Variants in LIN52 observed in about 807,000 individuals in gnomAD.
The protein encoded by LIN52 is lin-52 DREAM MuvB core complex component.
LIN52 carries 4 observed loss-of-function variants against 18.5 expected under a neutral mutation model. That is an observed-to-expected ratio of 0.22 (90% CI 0.11 to 0.49). The LOEUF is 0.49. Among genes scored for constraint, LIN52 ranks in the 20% least tolerant of loss-of-function variants. LIN52 has a pLI of 0.97. For missense variants in LIN52, 102 were observed against 139.5 expected, an observed-to-expected ratio of 0.73 and a Z score of 1.35; for synonymous variants, 34 against 45.5, an observed-to-expected ratio of 0.75 and a Z score of 1.02.
chr14:74,190,104 A>T (rs1225465947), intron 5 of LIN52, among the ~76,000 whole-genome samples: 2 of 152,170 alleles, frequency 1.3e-5, no homozygotes, highest in African/African-American at 4.8e-5. Context: ...CCATATCTAC[A>T]AAAAATTAAA....
chr14:74,088,280 G>A (rs1362836131), intron 1 of LIN52, among the ~76,000 whole-genome samples: 1 of 152,032 alleles, frequency 6.6e-6, no homozygotes, highest in African/African-American at 2.4e-5. Context: ...GAGTAGAGAC[G>A]GGGTTTCACC....
At chr14:74,154,966 G>A (rs932729266) in intron 5 of LIN52, among the ~76,000 whole-genome samples, 2 of 152,140 alleles carry the variant, frequency 1.3e-5, no homozygotes, top group African/African-American at 2.4e-5. Context: ...ATTGATTTTT[G>A]TTACAGTGGG....
chr14:74,102,097 G>T (rs1000917397), intron 5 of LIN52, among the ~76,000 whole-genome samples: 2 of 152,074 alleles, frequency 1.3e-5, no homozygotes, highest in Non-Finnish European at 2.9e-5. Flanking sequence ...TAAATTTAAG[G>T]CTGGCCACAG....
At chr14:74,103,480 T>G (rs1157075008) in intron 5 of LIN52, among the ~76,000 whole-genome samples, 1 of 144,136 alleles carries the variant, frequency 6.9e-6, no homozygotes. Context: ...TTGCCCAGGC[T>G]GGAGTGCAAT....
chr14:74,178,290 A>G lies in LIN52; in HGVS notation c.284-20632A>G, dbSNP rs111629364. 2.2e-3 allele frequency among the ~76,000 whole-genome samples: 336 copies of G among 152,270 alleles called. 2 individuals are homozygous for G. Among genetic ancestry groups the G allele is most frequent in the African/African-American group, 7.7e-3 (320 of 41,568 alleles). On this transcript the variant is annotated intron_variant, in intron 5 of 5. Transcript: ENST00000555028. ...CAGCTGAAGCTGAACTTGAGCAATA[A>G]TGGTTCAAAGAATGTGATTAATGGT... is the stretch of plus-strand genomic sequence containing the variant.
intron 2 of LIN52, among the ~76,000 whole-genome samples, chr14:74,094,599 T>A (rs2060795237): frequency 6.6e-6 from 1 of 152,214 alleles, no homozygotes; most frequent in African/African-American, 2.4e-5. Context: ...TATCAGTGAA[T>A]ACCCATGTAC....
chr14:74,119,836 C>CTTT (rs555673247), intron 5 of LIN52, among the ~76,000 whole-genome samples: 3 of 132,344 alleles, frequency 2.3e-5, no homozygotes, highest in Admixed American at 7.6e-5. Flanking sequence ...CTGGATTATT[C>CTTT]TTTTTTTTTT....
intron 5 of LIN52, among the ~76,000 whole-genome samples, chr14:74,130,278 G>GTTTGTTTTTT (rs1555382571): frequency 1.1e-4 from 7 of 64,842 alleles, no homozygotes; most frequent in South Asian, 6.7e-4. Flanking sequence ...GCATTTTTTG[G>GTTTGTTTTTT]TTTTTTTTTT....
At chr14:74,144,367 T>C (rs1365020962) in intron 5 of LIN52, among the ~76,000 whole-genome samples, 1 of 151,842 alleles carries the variant, frequency 6.6e-6, no homozygotes, top group African/African-American at 2.4e-5. Flanking sequence ...GCTCAATCAA[T>C]CCTCCCACCT....
At chr14:74,158,121 A>ATTTTT (rs370452421) in intron 5 of LIN52, among the ~76,000 whole-genome samples, 16 of 141,216 alleles carry the variant, frequency 1.1e-4, no homozygotes, top group African/African-American at 2.8e-4. Context: ...ATATATATAT[A>ATTTTT]TATATTTTTT....
intron 5 of LIN52, among the ~76,000 whole-genome samples, chr14:74,143,424 GC>G (rs1172969086): frequency 6.6e-6 from 1 of 152,214 alleles, no homozygotes; most frequent in East Asian, 1.9e-4. Flanking sequence ...GTGGCAGTGT[GC>G]CCCTGTGGTC....
rs369326787 is a variant in LIN52 at position 74,110,960 on chromosome 14, C to T, written c.283+9722C>T. Reference sequence around the variant, plus strand: ...CAGCCTGGGTGACAGAGCGAGACTCCGTCTCAAAAAAAAAAAAAAGATTAA... The same window carrying T: ...CAGCCTGGGTGACAGAGCGAGACTCTGTCTCAAAAAAAAAAAAAAGATTAA... On this transcript the variant is annotated intron_variant, in intron 5 of 5. Coordinates refer to ENST00000555028, the MANE Select transcript of LIN52 (RefSeq NM_001024674.3). 4.0e-5 allele frequency among the ~76,000 whole-genome samples: 6 copies of T among 150,020 alleles called. No individual in the cohort carries two copies. The East Asian group carries it at 7.8e-4, about 20-fold the overall frequency.
intron 5 of LIN52, among the ~76,000 whole-genome samples, chr14:74,162,233 T>G (rs941249838): frequency 1.3e-5 from 2 of 152,072 alleles, no homozygotes; most frequent in African/African-American, 4.8e-5. Context: ...CCCAGCACTT[T>G]GGGAGGCTGA....
At chr14:74,135,663 T>C (rs552411958) in intron 5 of LIN52, among the ~76,000 whole-genome samples, 1 of 152,318 alleles carries the variant, frequency 6.6e-6, no homozygotes, top group East Asian at 1.9e-4. Context: ...AAGAATAAGA[T>C]TTGAAATTAT....
chr14:74,085,907 A>C (rs936408842), intron 1 of LIN52, among the ~76,000 whole-genome samples: 3 of 152,204 alleles, frequency 2.0e-5, no homozygotes, highest in African/African-American at 7.2e-5. Flanking sequence ...TCATTGCAGG[A>C]ATGAAGAAAT....
At position 74,195,471 on chromosome 14, in the gene LIN52, C is replaced by A. The variant is rs192024464; in HGVS notation, c.284-3451C>A. On this transcript the variant is annotated intron_variant, in intron 5 of 5. Coordinates refer to ENST00000555028, the MANE Select transcript of LIN52 (RefSeq NM_001024674.3). ...TTTTTCCCCAAAGAGATTTGAAATTCCTGATGGGAGCTTAAAAAGCTAAGA... is the reference window on the plus strand; with the variant it reads ...TTTTTCCCCAAAGAGATTTGAAATTACTGATGGGAGCTTAAAAAGCTAAGA... 1.3e-3 allele frequency among the ~76,000 whole-genome samples: 205 copies of A among 152,192 alleles called. 1 individual carries two copies. The highest frequency in any genetic ancestry group is 4.7e-3 in the African/African-American group (197 of 41,534).
At chr14:74,186,313 A>G (rs1190620863) in intron 5 of LIN52, among the ~76,000 whole-genome samples, 1 of 151,832 alleles carries the variant, frequency 6.6e-6, no homozygotes, top group Non-Finnish European at 1.5e-5. Context: ...CAAACAAACA[A>G]ACAAAAAACT....
intron 5 of LIN52, among the ~76,000 whole-genome samples, chr14:74,138,695 G>T (rs1595171630): frequency 6.7e-6 from 1 of 150,266 alleles, no homozygotes; most frequent in East Asian, 2.0e-4. Context: ...AGGCTGCAGT[G>T]AGCTGTGATT....
intron 5 of LIN52, among the ~76,000 whole-genome samples, chr14:74,173,220 T>C (rs2061278964): frequency 6.6e-6 from 1 of 152,180 alleles, no homozygotes; most frequent in South Asian, 2.1e-4. Context: ...AGAGTTTCGC[T>C]CTTGTTGCCC....
Sources: gnomAD v4.1 joint callset for allele counts (sites outside exome capture counted in the v4.1 genomes callset) on GRCh38, gnomAD v4.1.1 for gene constraint, MANE v1.5 for transcripts, NCBI Gene and HGNC (gene_info 2026-07-23, HGNC 2026-07-21) for gene names.